The following KCNAB1 variants were observed in gnomAD, a reference collection of about 807,000 sequenced individuals.
The protein encoded by KCNAB1 is voltage-gated potassium channel subunit beta-1.
In KCNAB1, 35 loss-of-function variants were observed where a neutral mutation model predicts 64.6. That is an observed-to-expected ratio of 0.54 (90% confidence interval 0.41 to 0.72). KCNAB1 has a LOEUF of 0.72. Ranked by LOEUF, KCNAB1 falls within the 30% of genes least tolerant of loss-of-function variation. KCNAB1 has a pLI of 0.00. For missense variants in KCNAB1, 401 were observed against 512.9 expected, an observed-to-expected ratio of 0.78 and a Z score of 2.11; for synonymous variants, 177 against 183.8, an observed-to-expected ratio of 0.96 and a Z score of 0.30.
At chr3:156,481,034 G>A (rs556945765) in intron 8 of KCNAB1, among the ~76,000 whole-genome samples, 7 of 152,120 alleles carry the variant, frequency 4.6e-5, no homozygotes, top group African/African-American at 1.7e-4. Flanking sequence ...CTAGTACCTG[G>A]TTCAACATAT....
intron 1 of KCNAB1, among the ~76,000 whole-genome samples, chr3:156,404,715 G>A (rs1221284253): frequency 6.6e-6 from 1 of 152,190 alleles, no homozygotes; most frequent in African/African-American, 2.4e-5. Context: ...CAAGTGACAG[G>A]TGAAGTCCAG....
chr3:156,322,854 T>C (rs917951424), intron 1 of KCNAB1, among the ~76,000 whole-genome samples: 18 of 151,994 alleles, frequency 1.2e-4, no homozygotes, highest in Admixed American at 1.2e-3. Flanking sequence ...CCGATACCTC[T>C]TGCCTAATGA....
chr3:156,459,319 C>G (rs1712706134), intron 4 of KCNAB1, among the ~76,000 whole-genome samples: 1 of 152,190 alleles, frequency 6.6e-6, no homozygotes, highest in Non-Finnish European at 1.5e-5. Flanking sequence ...AAGTTTGTCA[C>G]TGGAACCTAA....
chr3:156,121,627 G>A (rs1713351836), intron 1 of KCNAB1, among the ~76,000 whole-genome samples: 1 of 151,972 alleles, frequency 6.6e-6, no homozygotes, highest in Non-Finnish European at 1.5e-5. Flanking sequence ...TATAATTTGT[G>A]CAAAAAATCT....
chr3:156,415,304 G>T (rs1714971646), intron 1 of KCNAB1, among the ~76,000 whole-genome samples: 1 of 152,178 alleles, frequency 6.6e-6, no homozygotes, highest in Non-Finnish European at 1.5e-5. Flanking sequence ...GCTAGGACTG[G>T]TACTGCATTT....
At chr3:156,326,152 C>T (rs1484697855) in intron 1 of KCNAB1, among the ~76,000 whole-genome samples, 1 of 152,124 alleles carries the variant, frequency 6.6e-6, no homozygotes, top group African/African-American at 2.4e-5. Context: ...CTCTGACTTG[C>T]TTATTCATTT....
chr3:156,138,166 C>A (rs1043666131), intron 1 of KCNAB1, among the ~76,000 whole-genome samples: 6 of 152,164 alleles, frequency 3.9e-5, no homozygotes, highest in African/African-American at 1.2e-4. Context: ...GTAGCTCTGG[C>A]AAGGGTGAAG....
At chr3:156,506,408 A>G (rs763333996) in intron 8 of KCNAB1, among the ~76,000 whole-genome samples, 8 of 152,208 alleles carry the variant, frequency 5.3e-5, no homozygotes, top group Non-Finnish European at 1.2e-4. Context: ...TCCCATTTCA[A>G]TAACCTATTT....
At chr3:156,482,940 G>A (rs562791893) in intron 8 of KCNAB1, among the ~76,000 whole-genome samples, 2 of 152,142 alleles carry the variant, frequency 1.3e-5, no homozygotes, top group South Asian at 4.1e-4. Context: ...AAAGAAGAAG[G>A]CTAACACAAC....
intron 1 of KCNAB1, among the ~76,000 whole-genome samples, chr3:156,386,719 G>A (rs565119596): frequency 1.3e-5 from 2 of 152,228 alleles, no homozygotes; most frequent in East Asian, 1.9e-4. Context: ...TTAGACACAG[G>A]GCATTGTTTA....
At chr3:156,316,334 A>C (rs1009486557) in intron 1 of KCNAB1, among the ~76,000 whole-genome samples, 6 of 152,344 alleles carry the variant, frequency 3.9e-5, no homozygotes, top group Admixed American at 3.9e-4. Flanking sequence ...CAGAAAATCA[A>C]CATAGTAGTG....
chr3:156,362,303 A>G (rs1007608498), intron 1 of KCNAB1, among the ~76,000 whole-genome samples: 1 of 152,250 alleles, frequency 6.6e-6, no homozygotes, highest in Admixed American at 6.5e-5. Flanking sequence ...AATTGTGTAA[A>G]TAGGAATGAG....
At position 156,476,576 on chromosome 3, in the gene KCNAB1, CACAT is replaced by C. The variant is rs771543467; in HGVS notation, c.658+1758_658+1761del. Among the ~76,000 whole-genome samples, 51 of 136,816 alleles carry C rather than the reference CACAT, an allele frequency of 3.7e-4. No homozygotes were observed. The East Asian group carries it at 9.5e-3, about 25-fold the overall frequency. 89.8% of individuals were successfully genotyped at this position (136,816 alleles called of 152,430 possible). A position where few individuals can be genotyped will look rare whatever the true frequency, so the allele number is the denominator to read the frequency against. Reference sequence around the variant, plus strand: ...ACACACACACATATACACACACACACACATATATACACACACACATATATATATA... The same window carrying C: ...ACACACACACATATACACACACACACATATACACACACACATATATATATA... On this transcript the variant is annotated intron_variant, in intron 8 of 13. Coordinates refer to ENST00000490337, the MANE Select transcript of KCNAB1 (RefSeq NM_172160.3).
At chr3:156,326,524 C>T (rs1722974146) in intron 1 of KCNAB1, among the ~76,000 whole-genome samples, 1 of 152,114 alleles carries the variant, frequency 6.6e-6, no homozygotes, top group Admixed American at 6.6e-5. Context: ...AGTAATCCTT[C>T]AGCAATGTGG....
At chr3:156,201,799 T>C (rs1291942433) in intron 1 of KCNAB1, among the ~76,000 whole-genome samples, 1 of 152,124 alleles carries the variant, frequency 6.6e-6, no homozygotes, top group Admixed American at 6.5e-5. Context: ...TAAAGTGGCA[T>C]GTGGGAGGCT....
intron 1 of KCNAB1, among the ~76,000 whole-genome samples, chr3:156,227,229 TTC>T (rs1716234527): frequency 6.6e-6 from 1 of 152,236 alleles, no homozygotes; most frequent in African/African-American, 2.4e-5. Context: ...AAGGAAAAAG[TTC>T]TTTTTTATAC....
At chr3:156,204,755 C>T (rs1185317279) in intron 1 of KCNAB1, among the ~76,000 whole-genome samples, 1 of 152,136 alleles carries the variant, frequency 6.6e-6, no homozygotes, top group African/African-American at 2.4e-5. Flanking sequence ...ATCGTTGGAA[C>T]CCAGGAGCCG....
Position 156,127,884 on chromosome 3 carries a change from G to GGGGTGTGTGT in KCNAB1, c.275+6999_275+7000insGGTGTGTGTG, listed in dbSNP as rs554272137. ...CAGTTTTAGATTCCTCTTCATTTGGGGTGTGTGTGTGTGTGTGTGTGTGTG... is the reference window on the plus strand; with the variant it reads ...CAGTTTTAGATTCCTCTTCATTTGGGGGGTGTGTGTGTGTGTGTGTGTGTGTGTGTGTGTG... On this transcript the variant is annotated intron_variant, in intron 1 of 13. Transcript: ENST00000490337. Among the ~76,000 whole-genome samples, 705 of 147,654 alleles carry GGGGTGTGTGT rather than the reference G, an allele frequency of 4.8e-3. 5 individuals are homozygous for GGGGTGTGTGT. Among genetic ancestry groups the GGGGTGTGTGT allele is most frequent in the African/African-American group, 0.013 (513 of 40,120 alleles).
chr3:156,233,646 G>A (rs551450578), intron 1 of KCNAB1, among the ~76,000 whole-genome samples: 2 of 152,268 alleles, frequency 1.3e-5, no homozygotes, highest in South Asian at 2.1e-4. Context: ...AAGCAGAAAG[G>A]CCTGTTAGAA....
Sources: gnomAD v4.1 joint callset for allele counts (sites outside exome capture counted in the v4.1 genomes callset) on GRCh38, gnomAD v4.1.1 for gene constraint, MANE v1.5 for transcripts, NCBI Gene and HGNC (gene_info 2026-07-23, HGNC 2026-07-21) for gene names.